NALF1: variants seen among roughly 807,000 people sequenced by gnomAD.
NALF1 encodes NALCN channel auxiliary factor 1.
NALF1 carries 3 observed loss-of-function variants against 48.4 expected under a neutral mutation model. The ratio of observed to expected loss-of-function variants is 0.06; its 90% CI spans 0.03 to 0.16. The LOEUF is 0.16. Ranked by LOEUF, NALF1 falls within the 10% of genes least tolerant of loss-of-function variation. The pLI is 1.00. For missense variants in NALF1, 526 were observed against 571.5 expected (o/e 0.92, Z 0.81); for synonymous variants, 262 against 245.7 (o/e 1.07, Z -0.62).
At chr13:107,288,125 A>C (rs567323195) in intron 1 of NALF1, among the ~76,000 whole-genome samples, 103 of 152,182 alleles carry the variant, frequency 6.8e-4, no homozygotes, top group Non-Finnish European at 1.2e-3. Flanking sequence ...TAGCTATTTA[A>C]AATATTTGAA....
chr13:107,724,869 C>G (rs1876103070), intron 1 of NALF1, among the ~76,000 whole-genome samples: 1 of 152,182 alleles, frequency 6.6e-6, no homozygotes, highest in South Asian at 2.1e-4. Context: ...GCATGAACCA[C>G]CGTGCCTGGC....
chr13:107,578,183 G>A (rs7336849), intron 1 of NALF1, among the ~76,000 whole-genome samples: 48,267 of 151,692 alleles, frequency 0.32, 8,190 homozygotes, highest in African/African-American at 0.42. Context: ...TTGTCATTCC[G>A]TTTGTTGACA....
At chr13:107,549,883 A>T (rs1471596294) in intron 1 of NALF1, among the ~76,000 whole-genome samples, 1 of 152,026 alleles carries the variant, frequency 6.6e-6, no homozygotes, top group African/African-American at 2.4e-5. Flanking sequence ...TCCAGTTTCC[A>T]ATAAGAATTG....
chr13:107,473,290 T>G (rs892472621), intron 1 of NALF1, among the ~76,000 whole-genome samples: 2 of 152,020 alleles, frequency 1.3e-5, no homozygotes, highest in Non-Finnish European at 2.9e-5. Context: ...AACATTGGGG[T>G]TTTGGACACA....
intron 1 of NALF1, among the ~76,000 whole-genome samples, chr13:107,763,080 GAAAGAA>G (rs1230170601): frequency 3.7e-5 from 5 of 135,820 alleles, no homozygotes; most frequent in African/African-American, 1.5e-4. Flanking sequence ...TAAGCTGAAA[GAAAGAA>G]AAATAAACTC....
chr13:107,569,192 A>G (rs1227182816), intron 1 of NALF1, among the ~76,000 whole-genome samples: 3 of 152,280 alleles, frequency 2.0e-5, no homozygotes, highest in Non-Finnish European at 1.5e-5. Flanking sequence ...CCCCACAGCC[A>G]GGCGTGGTGG....
At chr13:107,765,570 C>G (rs908364954) in intron 1 of NALF1, among the ~76,000 whole-genome samples, 1 of 152,124 alleles carries the variant, frequency 6.6e-6, no homozygotes, top group Non-Finnish European at 1.5e-5. Flanking sequence ...ATGTACATAA[C>G]TGTATATGTA....
At chr13:107,386,180 T>C (rs1394014333) in intron 1 of NALF1, among the ~76,000 whole-genome samples, 2 of 152,222 alleles carry the variant, frequency 1.3e-5, no homozygotes, top group Non-Finnish European at 2.9e-5. Flanking sequence ...GCATTCAGGC[T>C]GATAGAAAAA....
At chr13:107,575,963 G>GGT (rs754349016) in intron 1 of NALF1, among the ~76,000 whole-genome samples, 12 of 146,954 alleles carry the variant, frequency 8.2e-5, no homozygotes, top group South Asian at 2.3e-4. Context: ...GTGTGTGTTG[G>GGT]GTGTGTGTGT....
At chr13:107,427,209 A>T (rs1000391869) in intron 1 of NALF1, among the ~76,000 whole-genome samples, 1 of 151,674 alleles carries the variant, frequency 6.6e-6, no homozygotes, top group Non-Finnish European at 1.5e-5. Flanking sequence ...TTTCTTTTTC[A>T]TTAAGTAATT....
intron 1 of NALF1, among the ~76,000 whole-genome samples, chr13:107,629,375 C>G (rs965996264): frequency 1.3e-5 from 2 of 152,130 alleles, no homozygotes; most frequent in Non-Finnish European, 2.9e-5. Context: ...AAGAATGTAT[C>G]ATATTGTTCT....
intron 1 of NALF1, among the ~76,000 whole-genome samples, chr13:107,749,281 C>A (rs1876868268): frequency 6.6e-6 from 1 of 151,860 alleles, no homozygotes; most frequent in African/African-American, 2.4e-5. Context: ...TAGTAAAATG[C>A]AAAGGAGCTA....
intron 1 of NALF1, among the ~76,000 whole-genome samples, chr13:107,322,254 C>G (rs1263693200): frequency 6.6e-6 from 1 of 152,156 alleles, no homozygotes; most frequent in Non-Finnish European, 1.5e-5. Flanking sequence ...TGCTCACCTA[C>G]ATGTAACGTG....
intron 1 of NALF1, among the ~76,000 whole-genome samples, chr13:107,819,872 T>C (rs1879314280): frequency 6.6e-6 from 1 of 152,116 alleles, no homozygotes; most frequent in Non-Finnish European, 1.5e-5. Flanking sequence ...CTTGCCACTA[T>C]CTATTTTTTA....
At chr13:107,655,310 C>G (rs1202720989) in intron 1 of NALF1, among the ~76,000 whole-genome samples, 1 of 152,064 alleles carries the variant, frequency 6.6e-6, no homozygotes, top group East Asian at 1.9e-4. Context: ...AGCAAAGTTT[C>G]AGGATACAAA....
chr13:107,269,624 C>T (rs936239295), intron 1 of NALF1, among the ~76,000 whole-genome samples: 18 of 151,794 alleles, frequency 1.2e-4, no homozygotes, highest in Non-Finnish European at 1.9e-4. Context: ...TCCTTTTTTC[C>T]CCATTATATT....
At chr13:107,671,520 A>G (rs1311617663) in intron 1 of NALF1, among the ~76,000 whole-genome samples, 1 of 152,150 alleles carries the variant, frequency 6.6e-6, no homozygotes, top group East Asian at 1.9e-4. Flanking sequence ...GTTTTATATA[A>G]GCTGCATGGG....
intron 1 of NALF1, among the ~76,000 whole-genome samples, chr13:107,597,627 A>C (rs1878792367): frequency 6.6e-6 from 1 of 152,188 alleles, no homozygotes; most frequent in African/African-American, 2.4e-5. Context: ...GCAAAATAAT[A>C]TAAAAGCTTA....
chr13:107,420,593 C>A (rs899256174), intron 1 of NALF1, among the ~76,000 whole-genome samples: 4 of 152,120 alleles, frequency 2.6e-5, no homozygotes, highest in African/African-American at 9.7e-5. Context: ...TCCACATATG[C>A]CTTCATTTCA....
Sources: allele counts gnomAD v4.1 joint callset (sites outside exome capture counted in the v4.1 genomes callset), GRCh38; gene constraint gnomAD v4.1.1; transcripts MANE v1.5; gene names NCBI Gene and HGNC (gene_info 2026-07-23, HGNC 2026-07-21).